Variants in MDGA2 observed in about 807,000 individuals in gnomAD.
The protein encoded by MDGA2 is MAM domain-containing glycosylphosphatidylinositol anchor protein 2.
A neutral mutation model predicts 117.8 loss-of-function variants in MDGA2; 40 were observed. That is an observed-to-expected ratio of 0.34 (90% CI 0.26 to 0.44). MDGA2 has a LOEUF of 0.44. Among genes scored for constraint, MDGA2 ranks in the 20% least tolerant of loss-of-function variants. The pLI, the probability that MDGA2 is intolerant of heterozygous loss-of-function variation, is 1.00. For missense variants in MDGA2, 1,123 were observed against 1,250.6 expected, an observed-to-expected ratio of 0.90 and a Z score of 1.54; for synonymous variants, 452 against 439.0, an observed-to-expected ratio of 1.03 and a Z score of -0.37.
chr14:47,625,176 TTTTTA>T (rs1310055107), intron 1 of MDGA2, among the ~76,000 whole-genome samples: 2 of 152,138 alleles, frequency 1.3e-5, no homozygotes, highest in Non-Finnish European at 2.9e-5. Context: ...CTGTGACAAG[TTTTTA>T]TTTATCTTGG....
chr14:47,251,520 C>T, intron 2 of MDGA2, among the ~76,000 whole-genome samples: 1 of 151,988 alleles, frequency 6.6e-6, no homozygotes, highest in East Asian at 1.9e-4. Flanking sequence ...AACTCATTAC[C>T]CCCGAAGTAT....
intron 1 of MDGA2, among the ~76,000 whole-genome samples, chr14:47,503,696 G>A (rs1243154110): frequency 1.3e-5 from 2 of 152,070 alleles, no homozygotes; most frequent in Non-Finnish European, 2.9e-5. Flanking sequence ...GAGCCACTGC[G>A]CCCGGCCTCC....
intron 3 of MDGA2, among the ~76,000 whole-genome samples, chr14:47,199,312 C>A (rs181605828): frequency 4.6e-5 from 7 of 152,140 alleles, no homozygotes; most frequent in Admixed American, 3.9e-4. Flanking sequence ...TCTTCCAATT[C>A]AACATTCCAA....
chr14:46,874,029 G>T lies in MDGA2; in HGVS notation c.2593+16C>A. ...GTCTCTGATTGCTATGAACACAAAA[G>T]GTCATACCCCCATACCTTCTTTGGA... On this transcript the variant is annotated intron_variant, in intron 13 of 16. Transcript: ENST00000399232. 1 of 1,521,546 alleles carries T rather than the reference G, an allele frequency of 6.6e-7. No individual in the cohort carries two copies. The highest frequency in any genetic ancestry group is 8.7e-7 in the Non-Finnish European group (1 of 1,144,086). 94.3% of individuals were successfully genotyped at this position (1,521,546 alleles called of 1,614,324 possible).
chr14:47,156,238 T>A (rs1049674356), intron 3 of MDGA2, among the ~76,000 whole-genome samples: 2 of 152,098 alleles, frequency 1.3e-5, no homozygotes, highest in East Asian at 3.9e-4. Context: ...TGTGTCCCTA[T>A]TTTTCAGAAG....
At chr14:47,416,834 C>A (rs978719126) in intron 1 of MDGA2, among the ~76,000 whole-genome samples, 2 of 152,142 alleles carry the variant, frequency 1.3e-5, no homozygotes, top group African/African-American at 4.8e-5. Context: ...TGCCAGAGTA[C>A]AGTGAACAAA....
At chr14:46,917,374 C>T (rs994642093) in intron 10 of MDGA2, among the ~76,000 whole-genome samples, 3 of 152,136 alleles carry the variant, frequency 2.0e-5, no homozygotes, top group African/African-American at 4.8e-5. Context: ...GTGCCCTGCA[C>T]AAGAGTACCT....
chr14:47,587,043 A>G (rs1017854131), intron 1 of MDGA2, among the ~76,000 whole-genome samples: 2 of 151,864 alleles, frequency 1.3e-5, no homozygotes. Context: ...CTCCTACAAT[A>G]ATGAAGGCAT....
At chr14:47,496,512 G>T (rs1273234878) in intron 1 of MDGA2, among the ~76,000 whole-genome samples, 1 of 152,050 alleles carries the variant, frequency 6.6e-6, no homozygotes, top group Admixed American at 6.6e-5. Flanking sequence ...CCAAAGTGCT[G>T]TGATTACAGG....
At chr14:47,588,259 TATACACACAC>T (rs1167004128) in intron 1 of MDGA2, among the ~76,000 whole-genome samples, 2 of 122,400 alleles carry the variant, frequency 1.6e-5, no homozygotes, top group African/African-American at 3.3e-5. Context: ...TATATATATA[TATACACACAC>T]ACACACACAC....
intron 1 of MDGA2, among the ~76,000 whole-genome samples, chr14:47,537,104 G>A (rs1895228529): frequency 6.6e-6 from 1 of 152,046 alleles, no homozygotes; most frequent in Non-Finnish European, 1.5e-5. Context: ...AAGTGACTGT[G>A]AAAAAATTTG....
intron 3 of MDGA2, among the ~76,000 whole-genome samples, chr14:47,215,526 T>C (rs1434059236): frequency 1.3e-5 from 2 of 152,116 alleles, no homozygotes; most frequent in Non-Finnish European, 2.9e-5. Context: ...ACTCCTTAGA[T>C]AGGTCTAGTG....
intron 1 of MDGA2, among the ~76,000 whole-genome samples, chr14:47,435,146 C>T (rs1892872413): frequency 6.6e-6 from 1 of 151,982 alleles, no homozygotes; most frequent in Non-Finnish European, 1.5e-5. Context: ...AAAAACAAAA[C>T]AAAGCAAAAC....
chr14:47,280,678 T>G (rs1888457826), intron 2 of MDGA2, among the ~76,000 whole-genome samples: 1 of 152,144 alleles, frequency 6.6e-6, no homozygotes, highest in East Asian at 1.9e-4. Flanking sequence ...GTTCATCATA[T>G]TATACTAAAA....
chr14:47,668,253 A>T (rs986479318), intron 1 of MDGA2, among the ~76,000 whole-genome samples: 6 of 152,210 alleles, frequency 3.9e-5, no homozygotes, highest in African/African-American at 1.4e-4. Flanking sequence ...GGATCAGTGC[A>T]AGGTGGTATA....
intron 1 of MDGA2, among the ~76,000 whole-genome samples, chr14:47,634,017 G>A (rs576146332): frequency 2.6e-5 from 4 of 152,290 alleles, no homozygotes; most frequent in African/African-American, 9.6e-5. Flanking sequence ...TATGTAGCCA[G>A]TAAGTGGATC....
At chr14:47,590,034 A>G (rs1896406251) in intron 1 of MDGA2, among the ~76,000 whole-genome samples, 1 of 151,786 alleles carries the variant, frequency 6.6e-6, no homozygotes, top group Non-Finnish European at 1.5e-5. Context: ...AAACTTAATG[A>G]ACTAGTTTAT....
chr14:47,614,986 G>T (rs145964459), intron 1 of MDGA2, among the ~76,000 whole-genome samples: 2 of 151,970 alleles, frequency 1.3e-5, no homozygotes, highest in Non-Finnish European at 2.9e-5. Flanking sequence ...CAGTCACAAA[G>T]TAGATTCTAT....
chr14:47,328,195 A>C (rs949229613), intron 1 of MDGA2, among the ~76,000 whole-genome samples: 2 of 152,140 alleles, frequency 1.3e-5, no homozygotes, highest in Non-Finnish European at 2.9e-5. Context: ...TGAGCACTCC[A>C]TATCGGGCAG....
Sources: allele counts gnomAD v4.1 joint callset (sites outside exome capture counted in the v4.1 genomes callset), GRCh38; gene constraint gnomAD v4.1.1; transcripts MANE v1.5; gene names NCBI Gene and HGNC (gene_info 2026-07-23, HGNC 2026-07-21).